The following SKIC3 variants were observed in gnomAD, a reference collection of about 807,000 sequenced individuals.
The protein encoded by SKIC3 is SKI3 subunit of superkiller complex.
the SKIC3 span, chr5:95,529,411 C>T: frequency 2.2e-5 from 9 of 402,004 alleles, no homozygotes; most frequent in Middle Eastern, 7.6e-4. Context: ...AATTCCCCTG[C>T]TAAAAATCTT....
At chr5:95,484,691 T>C in the SKIC3 span, 1 of 1,613,758 alleles carries the variant, frequency 6.2e-7, no homozygotes, top group Non-Finnish European at 8.5e-7. Flanking sequence ...AAGATAAGAA[T>C]CCATGAGTTT....
chr5:95,485,574 C>T, the SKIC3 span, among the ~76,000 whole-genome samples: 2 of 152,098 alleles, frequency 1.3e-5, no homozygotes, highest in Non-Finnish European at 2.9e-5. Context: ...TCTACCTTCA[C>T]AAGCAATGTT....
At chr5:95,465,683 C>T in the SKIC3 span, among the ~76,000 whole-genome samples, 1 of 152,170 alleles carries the variant, frequency 6.6e-6, no homozygotes, top group Non-Finnish European at 1.5e-5. Flanking sequence ...TCTTCTTGTC[C>T]TCTCAGTCTG....
At chr5:95,503,386 A>C in the SKIC3 span, among the ~76,000 whole-genome samples, 3 of 152,226 alleles carry the variant, frequency 2.0e-5, no homozygotes, top group African/African-American at 7.2e-5. Context: ...TGCTCTATAC[A>C]CATGTGGGCT....
the SKIC3 span, among the ~76,000 whole-genome samples, chr5:95,469,507 CCTT>C: frequency 6.6e-6 from 1 of 152,180 alleles, no homozygotes; most frequent in East Asian, 1.9e-4. Flanking sequence ...AACTCCAAGA[CCTT>C]CTTCACTGGA....
At chr5:95,477,497 G>T in the SKIC3 span, among the ~76,000 whole-genome samples, 49 of 152,052 alleles carry the variant, frequency 3.2e-4, no homozygotes, top group Middle Eastern at 3.4e-3. Context: ...AAAACCAAAA[G>T]AATAACAATT....
At chr5:95,554,971 C>G in the SKIC3 span, 1 of 260,812 alleles carries the variant, frequency 3.8e-6, no homozygotes, top group Non-Finnish European at 7.7e-6. Flanking sequence ...AACGCCGAGG[C>G]TGCAATGAGA....
chr5:95,497,104 A>C, the SKIC3 span, among the ~76,000 whole-genome samples: 1 of 152,234 alleles, frequency 6.6e-6, no homozygotes, highest in East Asian at 1.9e-4. Flanking sequence ...ACTATGTGGC[A>C]GTGTTACATT....
the SKIC3 span, chr5:95,498,467 C>T: frequency 6.2e-7 from 1 of 1,614,118 alleles, no homozygotes; most frequent in Admixed American, 1.7e-5. Flanking sequence ...TAATTACTGT[C>T]TTTGTGTTTG....
the SKIC3 span, chr5:95,464,321 A>G: frequency 2.7e-6 from 1 of 370,634 alleles, no homozygotes; most frequent in African/African-American, 2.1e-5. Context: ...TGCACCATGC[A>G]AGATGCAGAA....
At chr5:95,477,558 T>C in the SKIC3 span, among the ~76,000 whole-genome samples, 1 of 152,052 alleles carries the variant, frequency 6.6e-6, no homozygotes, top group Non-Finnish European at 1.5e-5. Context: ...CCAAACACTA[T>C]CAAAAGATAT....
chr5:95,522,179 G>A, the SKIC3 span: 8 of 1,613,698 alleles, frequency 5.0e-6, no homozygotes, highest in Non-Finnish European at 6.8e-6. Context: ...TATGGATTCT[G>A]GGTTCAGCTC....
At chr5:95,486,347 G>A in the SKIC3 span, among the ~76,000 whole-genome samples, 1 of 152,274 alleles carries the variant, frequency 6.6e-6, no homozygotes, top group Non-Finnish European at 1.5e-5. Context: ...CAAGTGCCCT[G>A]AGAACAAATT....
At chr5:95,544,102 T>G in the SKIC3 span, among the ~76,000 whole-genome samples, 1 of 152,350 alleles carries the variant, frequency 6.6e-6, no homozygotes, top group South Asian at 2.1e-4. Context: ...ACAACACTCC[T>G]AATAATCTGT....
the SKIC3 span, chr5:95,495,363 G>A: frequency 1.8e-4 from 40 of 227,430 alleles, no homozygotes; most frequent in Middle Eastern, 1.7e-3. Context: ...CTTACTATAT[G>A]AAAATACATA....
chr5:95,475,758 C>T, the SKIC3 span, among the ~76,000 whole-genome samples: 1 of 152,174 alleles, frequency 6.6e-6, no homozygotes, highest in Non-Finnish European at 1.5e-5. Flanking sequence ...AACTCTTGCA[C>T]TTGGTTTCAC....
At chr5:95,467,396 T>C in the SKIC3 span, among the ~76,000 whole-genome samples, 1 of 152,174 alleles carries the variant, frequency 6.6e-6, no homozygotes, top group African/African-American at 2.4e-5. Context: ...CCAAGGTTGT[T>C]GGTACTCAAA....
At chr5:95,503,899 C>T in the SKIC3 span, 1 of 1,613,914 alleles carries the variant, frequency 6.2e-7, no homozygotes, top group African/African-American at 1.3e-5. Context: ...GGGGTGTTGA[C>T]TTAAAAGCCT....
chr5:95,532,691 G>A, the SKIC3 span, among the ~76,000 whole-genome samples: 1 of 152,016 alleles, frequency 6.6e-6, no homozygotes, highest in Non-Finnish European at 1.5e-5. Context: ...AACATTTAAA[G>A]GATTCTAAGG....
Sources: gnomAD v4.1 joint callset for allele counts (sites outside exome capture counted in the v4.1 genomes callset) on GRCh38, gnomAD v4.1.1 for gene constraint, MANE v1.5 for transcripts, NCBI Gene and HGNC (gene_info 2026-07-23, HGNC 2026-07-21) for gene names.